IL1A: variants seen among roughly 807,000 people sequenced by gnomAD.
The protein encoded by IL1A is interleukin-1 alpha.
A neutral mutation model predicts 22.2 loss-of-function variants in IL1A; 16 were observed. That is an observed-to-expected ratio of 0.72 (90% CI 0.49 to 1.09). IL1A has a LOEUF of 1.09. Ranked by LOEUF, IL1A falls within the 50% of genes least tolerant of loss-of-function variation. IL1A has a pLI of 0.00. For synonymous variants in IL1A, 113 were observed against 118.5 expected, an observed-to-expected ratio of 0.95 and a Z score of 0.30; for missense variants, 317 against 321.8, an observed-to-expected ratio of 0.99 and a Z score of 0.11.
rs965982868 is a variant in IL1A at position 112,781,512 on chromosome 2, T to C, written c.319+92A>G. On this transcript the variant is annotated intron_variant, in intron 4 of 6. Transcript: ENST00000263339. ...CTAATGCTTGGTTGTCTTCTTGTTA[T>C]TCTGACTCCACGTTTAATTTTCCCC... The C allele has an allele frequency of 9.2e-6, 9 of 982,588 alleles. No homozygotes were observed. The African/African-American group carries it at 1.1e-4, about 12-fold the overall frequency. The allele number at this position is 982,588 out of a possible 1,614,324, so 60.9% of individuals were successfully genotyped here. A position where few individuals can be genotyped will look rare whatever the true frequency, so the allele number is the denominator to read the frequency against.
intron 3 of IL1A, among the ~76,000 whole-genome samples, chr2:112,782,451 A>G (rs1299392774): frequency 1.3e-5 from 2 of 152,232 alleles, no homozygotes; most frequent in Non-Finnish European, 2.9e-5. Flanking sequence ...GGATGGCATA[A>G]CTAACATCCT....
At chr2:112,780,403 T>A (rs1681176503) in intron 4 of IL1A, among the ~76,000 whole-genome samples, 1 of 152,256 alleles carries the variant, frequency 6.6e-6, no homozygotes, top group African/African-American at 2.4e-5. Context: ...TTTATTTTCT[T>A]ATATTTTGTT....
chr2:112,782,664 A>G, intron 3 of IL1A, 52 bp downstream of exon 3: 1 of 1,317,372 alleles, frequency 7.6e-7, no homozygotes, highest in Middle Eastern at 1.8e-4. Context: ...TTGGATGAAG[A>G]AACCACTGTG....
Position 112,774,259 on chromosome 2 carries a change from CAG to C in IL1A, c.*806_*807del, listed in dbSNP as rs1681058283. ...TACAGGTCTCCCAAGTACTAGAATG[CAG>C]AGTTTCCTGGCTATGGGATAAGCAC... On this transcript the variant is annotated 3_prime_UTR_variant, in exon 7 of 7. Coordinates refer to ENST00000263339, the MANE Select transcript of IL1A (RefSeq NM_000575.5). 6.6e-6 allele frequency: 1 copy of C among 152,050 alleles called. No individual in the cohort carries two copies. Among genetic ancestry groups the C allele is most frequent in the Non-Finnish European group, 1.5e-5 (1 of 68,012 alleles). The allele number at this position is 152,050 out of a possible 1,614,324, so 9.4% of individuals were successfully genotyped here.
intron 2 of IL1A, among the ~76,000 whole-genome samples, chr2:112,783,054 G>A (rs1161554272): frequency 6.6e-6 from 1 of 152,254 alleles, no homozygotes; most frequent in Non-Finnish European, 1.5e-5. Flanking sequence ...AGGGAAGAAT[G>A]TTAAGCTCCT....
intron 4 of IL1A, among the ~76,000 whole-genome samples, chr2:112,780,435 G>A (rs1300024343): frequency 6.6e-6 from 1 of 152,194 alleles, no homozygotes; most frequent in Non-Finnish European, 1.5e-5. Flanking sequence ...CCTTCTAGGT[G>A]AACATGCGTT....
At chr2:112,779,880 A>G (rs1022848284) in intron 4 of IL1A, among the ~76,000 whole-genome samples, 53 of 152,160 alleles carry the variant, frequency 3.5e-4, no homozygotes, top group African/African-American at 1.3e-3. Context: ...TTAAACTTCA[A>G]TTCCTCAGGC....
intron 2 of IL1A, among the ~76,000 whole-genome samples, chr2:112,783,042 T>G (rs1271316563): frequency 1.3e-5 from 2 of 152,274 alleles, no homozygotes; most frequent in Non-Finnish European, 2.9e-5. Context: ...TAATTGAAGT[T>G]CAGGGAAGAA....
chr2:112,778,566 T>C (rs1052546700), intron 5 of IL1A, among the ~76,000 whole-genome samples: 7 of 152,196 alleles, frequency 4.6e-5, no homozygotes, highest in Non-Finnish European at 8.8e-5. Context: ...TAATAAGAGC[T>C]GTCAAATTAT....
At position 112,779,572 on chromosome 2, in the gene IL1A, G is replaced by A. The variant is rs376957964; in HGVS notation, c.414C>T (p.Asp138=). 51 of 1,611,422 alleles carry A rather than the reference G, an allele frequency of 3.2e-5. No homozygotes were observed. The highest frequency in any genetic ancestry group is 6.7e-5 in the Admixed American group (4 of 59,996). ...RIIKYEFILN[D]ALNQSIIRAN... ...CTCGAATTATACTTTGATTGAGGGC[G>A]TCATTCAGGATGAATTCGTATTTGA... Residue 138 remains aspartate, a synonymous_variant, in exon 5 of 7, where the codon GAC becomes GAT. Coordinates refer to ENST00000263339, the MANE Select transcript of IL1A (RefSeq NM_000575.5).
At chr2:112,779,402 G>A (rs1379101299) in intron 5 of IL1A, 94 bp downstream of exon 5, 2 of 1,023,216 alleles carry the variant, frequency 2.0e-6, no homozygotes, top group East Asian at 2.6e-5. Flanking sequence ...CTCTGAAGAG[G>A]TATGTTTTTT....
At chr2:112,781,555 A>T in intron 4 of IL1A, 49 bp downstream of exon 4, 1 of 1,409,488 alleles carries the variant, frequency 7.1e-7, no homozygotes, top group Non-Finnish European at 1.0e-6. Context: ...TACTGTCCCT[A>T]CTTGCTTAAA....
chr2:112,782,786 A>T lies in IL1A; in HGVS notation c.48-22T>A, dbSNP rs201374367. 272 of 1,576,264 alleles carry T rather than the reference A, an allele frequency of 1.7e-4. 2 individuals carry two copies. Among genetic ancestry groups the T allele is most frequent in the Non-Finnish European group, 2.2e-4 (247 of 1,145,876 alleles). ...TTCACTGTCAAAATAAGATGATGAG[A>T]ATGTAATTGTTGTTATTTCAGTGTG... On this transcript the variant is annotated intron_variant, in intron 2 of 6. Coordinates refer to ENST00000263339, the MANE Select transcript of IL1A (RefSeq NM_000575.5).
Position 112,774,272 on chromosome 2 carries a change from C to G in IL1A, c.*795G>C, listed in dbSNP as rs966648529. On this transcript the variant is annotated 3_prime_UTR_variant, in exon 7 of 7. Transcript: ENST00000263339. The stretch of plus-strand genomic sequence containing the variant: ...AGTACTAGAATGCAGAGTTTCCTGG[C>G]TATGGGATAAGCACAACTTGGACCA... 1 of 152,016 alleles carries G rather than the reference C, an allele frequency of 6.6e-6. No homozygotes were observed. The highest frequency in any genetic ancestry group is 2.4e-5 in the African/African-American group (1 of 41,386). The allele number at this position is 152,016 out of a possible 1,614,324, so 9.4% of individuals were successfully genotyped here. A position where few individuals can be genotyped will look rare whatever the true frequency, so the allele number is the denominator to read the frequency against.
At position 112,775,076 on chromosome 2, in the gene IL1A, G is replaced by C; in HGVS notation, c.807C>G (p.Asn269Lys). 1 of 1,613,806 alleles carries C rather than the reference G, an allele frequency of 6.2e-7. No homozygotes were observed. The highest frequency in any genetic ancestry group is 8.5e-7 in the Non-Finnish European group (1 of 1,179,726). Residue 269 changes from asparagine to lysine, a missense_variant, in exon 7 of 7, where the codon AAC becomes AAG. Asn to Lys is a moderately conservative substitution (Grantham distance 94). Transcript: ENST00000263339. ...AAGTGAGACTCCAGACCTACGCCTGGTTTTCCAGTATCTGAAAGTCAGTGA... is the reference window on the plus strand; with the variant it reads ...AAGTGAGACTCCAGACCTACGCCTGCTTTTCCAGTATCTGAAAGTCAGTGA... ...PSITDFQILENQA is the reference protein window; with the variant it reads ...PSITDFQILEKQA
intron 6 of IL1A, among the ~76,000 whole-genome samples, chr2:112,775,625 G>A (rs1681086849): frequency 6.6e-6 from 1 of 152,098 alleles, no homozygotes; most frequent in Admixed American, 6.5e-5. Flanking sequence ...TCAAATCTGA[G>A]CACTACAGTG....
intron 4 of IL1A, among the ~76,000 whole-genome samples, chr2:112,780,984 C>T (rs1681187925): frequency 6.6e-6 from 1 of 151,774 alleles, no homozygotes; most frequent in Admixed American, 6.6e-5. Context: ...TGCGCCACTG[C>T]ACTCCAGCCT....
chr2:112,783,078 A>T (rs893591932), intron 2 of IL1A, among the ~76,000 whole-genome samples: 4 of 152,244 alleles, frequency 2.6e-5, no homozygotes, highest in Non-Finnish European at 5.9e-5. Context: ...GAGAAAAGAA[A>T]GGTTTTGAAG....
At chr2:112,782,860 C>T in intron 2 of IL1A, 96 bp from the exon 3 acceptor site, 1 of 839,512 alleles carries the variant, frequency 1.2e-6, no homozygotes, top group Non-Finnish European at 2.0e-6. Context: ...GGGTCACACA[C>T]ATACACATGG....
Sources: gnomAD v4.1 joint callset for allele counts (sites outside exome capture counted in the v4.1 genomes callset) on GRCh38, gnomAD v4.1.1 for gene constraint, MANE v1.5 for transcripts, NCBI Gene and HGNC (gene_info 2026-07-23, HGNC 2026-07-21) for gene names.